TMEM117: variants seen among roughly 807,000 people sequenced by gnomAD.
TMEM117 encodes transmembrane protein 117.
TMEM117 carries 27 observed loss-of-function variants against 52.4 expected under a neutral mutation model. The observed-to-expected ratio is 0.51, with a 90% CI of 0.38 to 0.71. The LOEUF (loss-of-function observed/expected upper bound fraction) is 0.71. Ranked by LOEUF, TMEM117 falls within the 30% of genes least tolerant of loss-of-function variation. The pLI, the probability that TMEM117 is intolerant of heterozygous loss-of-function variation, is 0.00. For synonymous variants in TMEM117, 215 were observed against 206.3 expected (o/e 1.04, Z -0.36); for missense variants, 556 against 630.5 (o/e 0.88, Z 1.26).
At chr12:44,106,130 T>G (rs2138090690) in intron 3 of TMEM117, among the ~76,000 whole-genome samples, 1 of 152,166 alleles carries the variant, frequency 6.6e-6, no homozygotes, top group Middle Eastern at 3.4e-3. Context: ...CTGTCTGTCT[T>G]TCCAGTTTTG....
At chr12:44,135,040 C>T (rs1948469670) in intron 3 of TMEM117, among the ~76,000 whole-genome samples, 1 of 152,168 alleles carries the variant, frequency 6.6e-6, no homozygotes, top group Admixed American at 6.5e-5. Context: ...CTCTCTGCCA[C>T]TCTCACTCTC....
chr12:44,352,848 C>CT (rs1480400719), intron 6 of TMEM117, among the ~76,000 whole-genome samples: 2 of 152,096 alleles, frequency 1.3e-5, no homozygotes, highest in Non-Finnish European at 2.9e-5. Context: ...ATTTCTAATT[C>CT]TAGATCCCTG....
At chr12:44,365,263 T>G (rs1216675671) in intron 6 of TMEM117, among the ~76,000 whole-genome samples, 3 of 151,954 alleles carry the variant, frequency 2.0e-5, no homozygotes, top group Non-Finnish European at 4.4e-5. Context: ...TTAGACAGGA[T>G]TCCCTCCCCA....
chr12:44,140,288 A>G (rs930951364), intron 3 of TMEM117, among the ~76,000 whole-genome samples: 4 of 152,150 alleles, frequency 2.6e-5, no homozygotes, highest in African/African-American at 9.6e-5. Context: ...GAAGTTTTTA[A>G]TATCTTCCTC....
intron 2 of TMEM117, among the ~76,000 whole-genome samples, chr12:43,854,146 G>A (rs1943358663): frequency 6.6e-6 from 1 of 152,094 alleles, no homozygotes. Flanking sequence ...GAAAATATTT[G>A]AACAATGTGT....
At chr12:43,976,454 G>T (rs548600235) in intron 3 of TMEM117, among the ~76,000 whole-genome samples, 2 of 152,260 alleles carry the variant, frequency 1.3e-5, no homozygotes, top group Admixed American at 1.3e-4. Flanking sequence ...AATGACAAAG[G>T]CTTGGAGCAA....
chr12:44,220,665 A>T (rs148768503), intron 5 of TMEM117, among the ~76,000 whole-genome samples: 1 of 152,098 alleles, frequency 6.6e-6, no homozygotes, highest in Non-Finnish European at 1.5e-5. Flanking sequence ...GAAATGACTG[A>T]TTCTAAATCT....
chr12:44,305,376 T>C (rs74841505), intron 6 of TMEM117, among the ~76,000 whole-genome samples: 7,155 of 152,242 alleles, frequency 0.047, 348 homozygotes, highest in African/African-American at 0.12. Flanking sequence ...ACCCACAGTA[T>C]TGGAGAAAAT....
chr12:44,347,820 T>C (rs1054431463), intron 6 of TMEM117, among the ~76,000 whole-genome samples: 1 of 152,060 alleles, frequency 6.6e-6, no homozygotes, highest in African/African-American at 2.4e-5. Context: ...TCTTCTTTAC[T>C]CAGCTCTTAA....
intron 3 of TMEM117, among the ~76,000 whole-genome samples, chr12:44,131,262 G>A (rs933862146): frequency 6.6e-6 from 1 of 152,018 alleles, no homozygotes; most frequent in African/African-American, 2.4e-5. Context: ...CTGTTATTTG[G>A]AAGTGTCTCT....
the TMEM117 span, chr12:43,796,901 C>T: frequency 1.4e-5 from 19 of 1,394,934 alleles, no homozygotes; most frequent in Non-Finnish European, 1.7e-5. Flanking sequence ...TTATAAATCA[C>T]AGTACATCAT....
intron 3 of TMEM117, among the ~76,000 whole-genome samples, chr12:44,007,199 AAT>A (rs1042371148): frequency 3.3e-5 from 5 of 152,172 alleles, no homozygotes; most frequent in African/African-American, 1.2e-4. Context: ...TACATAATCA[AAT>A]ATGTTTTTGC....
At chr12:43,924,285 G>A (rs1944742207) in intron 2 of TMEM117, among the ~76,000 whole-genome samples, 1 of 152,058 alleles carries the variant, frequency 6.6e-6, no homozygotes, top group African/African-American at 2.4e-5. Flanking sequence ...AGAACCCTAA[G>A]CATTTAAATT....
intron 1 of TMEM117, among the ~76,000 whole-genome samples, chr12:43,838,195 T>C (rs1157805239): frequency 3.9e-5 from 6 of 152,184 alleles, no homozygotes; most frequent in Admixed American, 3.9e-4. Context: ...TTCCTGCCTT[T>C]TTATCTAACA....
intron 3 of TMEM117, among the ~76,000 whole-genome samples, chr12:44,063,510 C>T (rs1472744572): frequency 6.6e-6 from 1 of 151,814 alleles, no homozygotes; most frequent in Admixed American, 6.6e-5. Flanking sequence ...GGTACATGTG[C>T]ACAACGTACA....
chr12:43,801,614 T>C, the TMEM117 span, among the ~76,000 whole-genome samples: 1 of 152,216 alleles, frequency 6.6e-6, no homozygotes, highest in African/African-American at 2.4e-5. Context: ...TTAATAAATG[T>C]ATGATAATAC....
intron 2 of TMEM117, among the ~76,000 whole-genome samples, chr12:43,866,957 G>A (rs1943611435): frequency 6.6e-6 from 1 of 152,100 alleles, no homozygotes; most frequent in African/African-American, 2.4e-5. Context: ...GGGTGTGGTG[G>A]TGCATGCCTG....
intron 3 of TMEM117, among the ~76,000 whole-genome samples, chr12:44,012,494 C>CT (rs1158350710): frequency 4.4e-5 from 6 of 136,442 alleles, no homozygotes; most frequent in Admixed American, 1.5e-4. Flanking sequence ...TTTTTATTTT[C>CT]TTTTTTTTTC....
At chr12:43,884,782 C>G (rs1223158526) in intron 2 of TMEM117, among the ~76,000 whole-genome samples, 1 of 152,164 alleles carries the variant, frequency 6.6e-6, no homozygotes, top group African/African-American at 2.4e-5. Flanking sequence ...AGCCCTCCTG[C>G]ACAAATAACT....
Sources: allele counts gnomAD v4.1 joint callset (sites outside exome capture counted in the v4.1 genomes callset), GRCh38; gene constraint gnomAD v4.1.1; transcripts MANE v1.5; gene names NCBI Gene and HGNC (gene_info 2026-07-23, HGNC 2026-07-21).